GTPBP4: variants seen among roughly 807,000 people sequenced by gnomAD.
GTPBP4 encodes the protein GTP-binding protein 4.
A neutral mutation model predicts 81.7 loss-of-function variants in GTPBP4; 15 were observed. The ratio of observed to expected loss-of-function variants is 0.18; its 90% CI spans 0.12 to 0.28. The LOEUF is 0.28. Among genes scored for constraint, GTPBP4 ranks in the 10% least tolerant of loss-of-function variants. The pLI, the probability that GTPBP4 is intolerant of heterozygous loss-of-function variation, is 1.00. For missense variants in GTPBP4, 847 were observed against 793.8 expected (o/e 1.07, Z -0.81); for synonymous variants, 272 against 274.6 (o/e 0.99, Z 0.09).
chr10:1,000,670 GTGT>G lies in GTPBP4; in HGVS notation c.655-5_655-3del. ...GTGCTTTCAGTGACAAGGTCTGGCT[GTGT>G]TAGGTTGTAGACACTCCTGGGATCC... is the stretch of plus-strand genomic sequence containing the variant. On this transcript the variant is annotated splice_polypyrimidine_tract_variant and splice_region_variant and intron_variant, in intron 6 of 16. Coordinates refer to ENST00000360803, the MANE Select transcript of GTPBP4 (RefSeq NM_012341.3). 6.7e-7 allele frequency: 1 copy of G among 1,503,666 alleles called. No individual in the cohort carries two copies. The highest frequency in any genetic ancestry group is 1.4e-5 in the African/African-American group (1 of 71,540). The allele number at this position is 1,503,666 out of a possible 1,614,324, so 93.1% of individuals were successfully genotyped here. A position where few individuals can be genotyped will look rare whatever the true frequency, so the allele number is the denominator to read the frequency against.
intron 4 of GTPBP4, 68 bp downstream of exon 4, chr10:996,310 T>C: frequency 7.3e-7 from 1 of 1,374,800 alleles, no homozygotes; most frequent in Non-Finnish European, 1.0e-6. Context: ...TGTTGAGGAC[T>C]TGAGATGTCT....
intron 14 of GTPBP4, among the ~76,000 whole-genome samples, chr10:1,013,358 T>G (rs1219670955): frequency 6.6e-6 from 1 of 150,506 alleles, no homozygotes; most frequent in Admixed American, 6.6e-5. Context: ...GCCTGTAATC[T>G]CAGCACTTTG....
At chr10:1,008,270 G>T (rs530005525) in intron 10 of GTPBP4, 1 of 393,098 alleles carries the variant, frequency 2.5e-6, no homozygotes, top group African/African-American at 2.1e-5. Flanking sequence ...AAAATTAGTC[G>T]GGCGCGCACC....
In GTPBP4 at chr10:996,087, TA is replaced by T; in HGVS notation, c.324-18del. 1 of 1,579,148 alleles carries T rather than the reference TA, an allele frequency of 6.3e-7. No homozygotes were observed. Among genetic ancestry groups the T allele is most frequent in the Non-Finnish European group, 8.7e-7 (1 of 1,155,784 alleles). Reference sequence around the variant, plus strand: ...AAGTTATCGAAAGTGGAAAAAATAATATTTTTTATTTTTTACAGTGTTGCTA... The same window carrying T: ...AAGTTATCGAAAGTGGAAAAAATAATTTTTTTATTTTTTACAGTGTTGCTA... On this transcript the variant is annotated intron_variant, in intron 3 of 16. Transcript: ENST00000360803.
rs1314345196 is a variant in GTPBP4, at chr10:1,019,550, CG to C, written c.*2327del. ...TGTGTATTTTGTGAAGCTCCACAAACGGGGTCACGTCATCCAGGTGAGGCCA... is the reference window on the plus strand; with the variant it reads ...TGTGTATTTTGTGAAGCTCCACAAACGGGTCACGTCATCCAGGTGAGGCCA... On this transcript the variant is annotated 3_prime_UTR_variant, in exon 17 of 17. Transcript: ENST00000360803. 17 of 1,613,496 alleles carry C rather than the reference CG, an allele frequency of 1.1e-5. No individual in the cohort carries two copies. The highest frequency in any genetic ancestry group is 1.4e-5 in the Non-Finnish European group (16 of 1,179,720).
chr10:1,006,822 G>A (rs1470044698), intron 9 of GTPBP4, among the ~76,000 whole-genome samples, 196 bp from the exon 10 acceptor site: 1 of 152,174 alleles, frequency 6.6e-6, no homozygotes, highest in Non-Finnish European at 1.5e-5. Flanking sequence ...TGTGGTGGGA[G>A]AGAGGCCCAG....
At chr10:1,007,313 T>G (rs1181004920) in intron 10 of GTPBP4, 185 bp downstream of exon 10, 1 of 539,548 alleles carries the variant, frequency 1.9e-6, no homozygotes, top group Non-Finnish European at 3.3e-6. Context: ...GAACGCCACA[T>G]GGCACCCGTT....
At position 1,018,431 on chromosome 10, in the gene GTPBP4, A is replaced by AG. The variant is rs1832027867; in HGVS notation, c.*1204_*1205insG. The AG allele has an allele frequency of 6.6e-6, 1 of 151,752 alleles. No individual in the cohort carries two copies. Among genetic ancestry groups the AG allele is most frequent in the Admixed American group, 6.6e-5 (1 of 15,224 alleles). 9.4% of individuals were successfully genotyped at this position (151,752 alleles called of 1,614,324 possible). A position where few individuals can be genotyped will look rare whatever the true frequency, so the allele number is the denominator to read the frequency against. The stretch of plus-strand genomic sequence containing the variant: ...AGAGAGAGACTCCGTGTGAAAAAAA[A>AG]AAAAAAAATACCAGGTCTGGTTTTT... On this transcript the variant is annotated 3_prime_UTR_variant, in exon 17 of 17. Transcript: ENST00000360803.
At chr10:1,009,109 G>C in intron 11 of GTPBP4, 74 bp downstream of exon 11, 3 of 1,170,554 alleles carry the variant, frequency 2.6e-6, no homozygotes, top group Non-Finnish European at 3.8e-6. Context: ...TGGGGGCCTG[G>C]GGCATCGAAC....
chr10:1,019,292 T>G lies in GTPBP4; in HGVS notation c.*2065T>G. ...AATGGAAATTGGGACAAAGGAAATGTTAAATTTCCTCCCTGCAACCAGGCA... is the reference window on the plus strand; with the variant it reads ...AATGGAAATTGGGACAAAGGAAATGGTAAATTTCCTCCCTGCAACCAGGCA... On this transcript the variant is annotated 3_prime_UTR_variant, in exon 17 of 17. Transcript: ENST00000360803. 1 of 506,694 alleles carries G rather than the reference T, an allele frequency of 2.0e-6. No homozygotes were observed. The highest frequency in any genetic ancestry group is 3.3e-5 in the East Asian group (1 of 29,918). 31.4% of individuals were successfully genotyped at this position (506,694 alleles called of 1,614,324 possible). A position where few individuals can be genotyped will look rare whatever the true frequency, so the allele number is the denominator to read the frequency against.
Position 996,143 on chromosome 10 carries a change from G to A in GTPBP4, c.361G>A (p.Asp121Asn), listed in dbSNP as rs746179159. Reference protein sequence around the residue: ...KDYVRLMKYGDSLYRCKQLKR... With the variant: ...KDYVRLMKYGNSLYRCKQLKR... ...TTATGTGCGACTGATGAAGTATGGCGACTCTCTCTACCGCTGCAAACAGCT... is the reference window on the plus strand; with the variant it reads ...TTATGTGCGACTGATGAAGTATGGCAACTCTCTCTACCGCTGCAAACAGCT... The change falls in exon 4 of 17, where the codon GAC becomes AAC. Residue 121 changes from aspartate (D) to asparagine (N), a missense_variant. Coordinates refer to ENST00000360803, the MANE Select transcript of GTPBP4 (RefSeq NM_012341.3). 2.5e-5 allele frequency: 40 copies of A among 1,610,954 alleles called. No homozygotes were observed. In the East Asian group the frequency reaches 8.0e-4, roughly 32 times the overall value.
rs199883686 is a variant in GTPBP4 at position 1,009,598 on chromosome 10, A to G, written c.1243+18A>G. The G allele has an allele frequency of 3.2e-4, 461 of 1,440,014 alleles. No homozygotes were observed. The highest frequency in any genetic ancestry group is 4.4e-4 in the Non-Finnish European group (449 of 1,021,082). 89.2% of individuals were successfully genotyped at this position (1,440,014 alleles called of 1,614,324 possible). On this transcript the variant is annotated intron_variant, in intron 12 of 16. Coordinates refer to ENST00000360803, the MANE Select transcript of GTPBP4 (RefSeq NM_012341.3). ...TCTTCAGAGTAAGGGCCAGAGTGTG[A>G]TCATTATTATAAAATGCCAATTGGA...
rs748069913 is a variant in GTPBP4, at chr10:1,010,461, A to T, written c.1285A>T (p.Ile429Leu). The T allele has an allele frequency of 6.3e-7, 1 of 1,583,194 alleles. No homozygotes were observed. The highest frequency in any genetic ancestry group is 1.3e-5 in the African/African-American group (1 of 74,320). The change falls in exon 13 of 17, where the codon ATA (isoleucine) becomes TTA (leucine). Residue 429 changes from isoleucine to leucine, a missense_variant. Around this residue, in one of 3 missense-constraint regions of GTPBP4, gnomAD observed 600 missense variants for 557.1 expected, o/e 1.08. Transcript: ENST00000360803. ...LMNLSEKHDK[I>L]PEIWEGHNIA... ...GAATTTGTCTGAAAAACATGATAAG[A>T]TACCAGAAATCTGGGAAGGCCATAA...
Position 997,223 on chromosome 10 carries a change from C to T in GTPBP4, c.476C>T (p.Ser159Phe). 6.3e-7 allele frequency: 1 copy of T among 1,593,510 alleles called. No homozygotes were observed. Among genetic ancestry groups the T allele is most frequent in the Non-Finnish European group, 8.6e-7 (1 of 1,161,282 alleles). The part of the protein sequence containing the change: ...EYLEQVRQHL[S>F]RLPTIDPNTR... ...CTTTTCCTAGTGCGTCAGCATTTAT[C>T]CCGTTTGCCAACCATTGATCCGAAT... Residue 159 changes from serine to phenylalanine, a missense_variant, in exon 5 of 17, where the codon TCC becomes TTC. Ser to Phe is a radical substitution (Grantham distance 155). Coordinates refer to ENST00000360803, the MANE Select transcript of GTPBP4 (RefSeq NM_012341.3).
At chr10:1,013,184 A>G (rs566788798) in intron 14 of GTPBP4, among the ~76,000 whole-genome samples, 41 of 152,046 alleles carry the variant, frequency 2.7e-4, no homozygotes, top group African/African-American at 9.2e-4. Flanking sequence ...GGGTTTCACC[A>G]TGTTGGCCAG....
chr10:1,001,044 T>TA, intron 8 of GTPBP4, 31 bp downstream of exon 8: 1 of 1,465,044 alleles, frequency 6.8e-7, no homozygotes, highest in Non-Finnish European at 9.6e-7. Context: ...GAATATTTCT[T>TA]ACTTACCAAT....
chr10:1,012,499 G>A lies in GTPBP4; in HGVS notation c.1379G>A (p.Arg460Lys). The A allele has an allele frequency of 3.1e-6, 5 of 1,610,386 alleles. No individual in the cohort carries two copies. Among genetic ancestry groups the A allele is most frequent in the Non-Finnish European group, 4.2e-6 (5 of 1,177,932 alleles). ...GAATTAGAAAAAGAAGAAGAGCTGA[G>A]AACAGCTGCTGGAGAGTATGACAGT... Reference protein sequence around the residue: ...LEELEKEEELRTAAGEYDSVS... With the variant: ...LEELEKEEELKTAAGEYDSVS... The change falls in exon 14 of 17, where the codon AGA becomes AAA. Residue 460 changes from arginine (R) to lysine (K), a missense_variant. Arg to Lys is a conservative substitution (Grantham distance 26, BLOSUM62 2). Coordinates refer to ENST00000360803, the MANE Select transcript of GTPBP4 (RefSeq NM_012341.3).
At chr10:1,011,397 CCT>C (rs1831867589) in intron 13 of GTPBP4, among the ~76,000 whole-genome samples, 1 of 152,198 alleles carries the variant, frequency 6.6e-6, no homozygotes, top group African/African-American at 2.4e-5. Context: ...TGCTATCCTG[CCT>C]TCTTCTCTCA....
chr10:989,418 G>A (rs1322865086), intron 1 of GTPBP4, among the ~76,000 whole-genome samples: 2 of 152,030 alleles, frequency 1.3e-5, no homozygotes, highest in Non-Finnish European at 2.9e-5. Context: ...CCCGGCCCTA[G>A]TATTAGGACT....
Sources: gnomAD v4.1 joint callset for allele counts (sites outside exome capture counted in the v4.1 genomes callset) on GRCh38, gnomAD v4.1.1 for gene constraint, gnomAD v4.1.1 regional missense constraint, MANE v1.5 for transcripts, NCBI Gene and HGNC (gene_info 2026-07-23, HGNC 2026-07-21) for gene names.